The following PHACTR2 variants were observed in gnomAD, a reference collection of about 807,000 sequenced individuals.
The protein encoded by PHACTR2 is phosphatase and actin regulator 2.
In PHACTR2, 30 loss-of-function variants were observed where a neutral mutation model predicts 76.0. The observed-to-expected ratio is 0.39, with a 90% CI of 0.30 to 0.54. The LOEUF (loss-of-function observed/expected upper bound fraction) is 0.54, where lower values mean the gene tolerates loss of function less well. Among genes scored for constraint, PHACTR2 ranks in the 20% least tolerant of loss-of-function variants. PHACTR2 has a pLI of 0.61. For synonymous variants in PHACTR2, 292 were observed against 292.5 expected (o/e 1.00, Z 0.02); for missense variants, 696 against 781.1 (o/e 0.89, Z 1.30).
chr6:143,711,926 T>G, intron 1 of PHACTR2, 90 bp from the exon 2 acceptor site: 1 of 1,112,016 alleles, frequency 9.0e-7, no homozygotes, highest in Non-Finnish European at 1.4e-6. Context: ...TGGACGTGCT[T>G]ACCGTTAACA....
Position 143,583,440 on chromosome 6 carries a change from G to A in PHACTR2, c.217+46233G>A, listed in dbSNP as rs1775595934. 6.6e-6 allele frequency among the ~76,000 whole-genome samples: 1 copy of A among 152,232 alleles called. No individual in the cohort carries two copies. The highest frequency in any genetic ancestry group is 2.4e-5 in the African/African-American group (1 of 41,466). On this transcript the variant is annotated intron_variant, in intron 1 of 11. Transcript: ENST00000367584. The surrounding 1 kb of genome is among the most constrained non-coding windows in gnomAD (Gnocchi z 4.0). Reference sequence around the variant, plus strand: ...CTCTCTCAAAGTTTATCCTAAAGTTGCTGAGTGACACAATGATATTTTTGT... The same window carrying A: ...CTCTCTCAAAGTTTATCCTAAAGTTACTGAGTGACACAATGATATTTTTGT...
At chr6:143,693,367 A>G (rs1332364597) in intron 1 of PHACTR2, among the ~76,000 whole-genome samples, 1 of 152,006 alleles carries the variant, frequency 6.6e-6, no homozygotes, top group African/African-American at 2.4e-5. Flanking sequence ...CCTCCCAAGT[A>G]GCTGGGACTA....
At chr6:143,810,596 T>G (rs1429094446) in intron 12 of PHACTR2, 1 of 451,170 alleles carries the variant, frequency 2.2e-6, no homozygotes, top group Non-Finnish European at 4.5e-6. Flanking sequence ...TCTGACCAGC[T>G]GAGGCAGGAG....
chr6:143,569,300 A>T (rs182284282), intron 1 of PHACTR2, among the ~76,000 whole-genome samples: 85 of 152,226 alleles, frequency 5.6e-4, no homozygotes, highest in Non-Finnish European at 8.2e-4. Flanking sequence ...TTCAGGAATC[A>T]TAGCCACAGG....
rs550764388 is a variant in PHACTR2, at chr6:143,744,568, C to CAAAG, written c.215-4417_215-4416insAAAG. On this transcript the variant is annotated intron_variant, in intron 2 of 12. Coordinates refer to ENST00000440869, the MANE Select transcript of PHACTR2 (RefSeq NM_001100164.2). ...CACTAAGGTGACCTTTGAGCAGAGA[C>CAAAG]TTGTGGGACAGGATGGAGTGAGTCT... is the stretch of plus-strand genomic sequence containing the variant. Among the ~76,000 whole-genome samples the CAAAG allele has an allele frequency of 6.5e-3, 983 of 152,276 alleles. 10 individuals are homozygous for CAAAG. Among genetic ancestry groups the CAAAG allele is most frequent in the African/African-American group, 0.022 (916 of 41,556 alleles).
Position 143,777,979 on chromosome 6 carries a change from T to C in PHACTR2, c.1645+596T>C, listed in dbSNP as rs536101447. ...CTCTGTTCTCTTTGACTTTAGTTTT[T>C]ACTCATCCCTGCAGTAGTATTTATT... On this transcript the variant is annotated intron_variant, in intron 9 of 12. Coordinates refer to ENST00000440869, the MANE Select transcript of PHACTR2 (RefSeq NM_001100164.2). This position sits in a 1 kb window ranked among gnomAD's most constrained non-coding sequence, Gnocchi z 4.6. Among the ~76,000 whole-genome samples the C allele has an allele frequency of 3.3e-5, 5 of 152,364 alleles. No individual in the cohort carries two copies. Among genetic ancestry groups the C allele is most frequent in the South Asian group, 2.1e-4 (1 of 4,822 alleles).
intron 1 of PHACTR2, among the ~76,000 whole-genome samples, chr6:143,609,635 AGAGT>A (rs1775946583): frequency 6.6e-6 from 1 of 152,260 alleles, no homozygotes; most frequent in South Asian, 2.1e-4. Flanking sequence ...TTACAGTGGT[AGAGT>A]GAGTAAAAAT....
At position 143,648,627 on chromosome 6, in the gene PHACTR2, T is replaced by C. The variant is rs555843847; in HGVS notation, c.13+40305T>C. Reference sequence around the variant, plus strand: ...AGGAAGGAATGAAGAGCCCGGGAGGTTTAAAGTGCTCTGAAGCACTGATAC... The same window carrying C: ...AGGAAGGAATGAAGAGCCCGGGAGGCTTAAAGTGCTCTGAAGCACTGATAC... On this transcript the variant is annotated intron_variant, in intron 1 of 11. Transcript: ENST00000305766. The surrounding 1 kb of genome is among the most constrained non-coding windows in gnomAD (Gnocchi z 6.7). 6.6e-6 allele frequency among the ~76,000 whole-genome samples: 1 copy of C among 152,074 alleles called. No individual in the cohort carries two copies. The highest frequency in any genetic ancestry group is 2.4e-5 in the African/African-American group (1 of 41,474).
upstream of PHACTR2, among the ~76,000 whole-genome samples, chr6:143,676,839 G>T (rs1466697308): frequency 2.0e-5 from 3 of 152,074 alleles, no homozygotes; most frequent in Admixed American, 2.0e-4. This position sits in a 1 kb window ranked among gnomAD's most constrained non-coding sequence, Gnocchi z 4.8. Flanking sequence ...TCCTCACAGT[G>T]GTGGGTGGGC....
At chr6:143,778,154 A>G (rs77795637) in intron 9 of PHACTR2, among the ~76,000 whole-genome samples, 1,679 of 152,314 alleles carry the variant, frequency 0.011, 32 homozygotes, top group African/African-American at 0.037. Context: ...ACCCAGTTTC[A>G]AAAGATCTTT....
intron 1 of PHACTR2, among the ~76,000 whole-genome samples, chr6:143,665,095 A>C (rs1050580006): frequency 6.6e-6 from 1 of 152,098 alleles, no homozygotes; most frequent in South Asian, 2.1e-4. Flanking sequence ...CACCGCACCC[A>C]GCCTGGGTTC....
At chr6:143,685,242 A>G (rs1257924337) in intron 1 of PHACTR2, among the ~76,000 whole-genome samples, 3 of 152,088 alleles carry the variant, frequency 2.0e-5, no homozygotes, top group Non-Finnish European at 4.4e-5. Flanking sequence ...TAGATTTAAT[A>G]GTATAAAATT....
rs531748119 is a variant in PHACTR2, at chr6:143,811,901, G to A, written c.1922+4768G>A. ...CATAAAAAAGGTGGTGGTACTCTTA[G>A]TACCAGCCTCTCTTGGGGAAAATAA... On this transcript the variant is annotated intron_variant, in intron 12 of 12. Transcript: ENST00000440869. The surrounding 1 kb of genome is among the most constrained non-coding windows in gnomAD (Gnocchi z 4.1). Among the ~76,000 whole-genome samples, 3 of 152,278 alleles carry A rather than the reference G, an allele frequency of 2.0e-5. No individual in the cohort carries two copies. Among genetic ancestry groups the A allele is most frequent in the Non-Finnish European group, 4.4e-5 (3 of 68,018 alleles).
At chr6:143,727,534 C>A (rs11966017) in intron 2 of PHACTR2, among the ~76,000 whole-genome samples, 2,175 of 142,878 alleles carry the variant, frequency 0.015, 48 homozygotes, top group African/African-American at 0.058. Context: ...TGAGAAACCT[C>A]CATACTGTTT....
chr6:143,705,117 GC>G (rs1778018228), intron 1 of PHACTR2, among the ~76,000 whole-genome samples: 1 of 148,956 alleles, frequency 6.7e-6, no homozygotes, highest in Admixed American at 6.7e-5. Context: ...GAGCCACCGC[GC>G]CCGGCCTTGT....
rs1376125282 is a variant in PHACTR2, at chr6:143,536,983, G to A, written c.-8G>A. On this transcript the variant is annotated 5_prime_UTR_variant, in exon 1 of 12. Transcript: ENST00000367584. This position sits in a 1 kb window ranked among gnomAD's most constrained non-coding sequence, Gnocchi z 5.4. ...CACCCGGTGCTCCGGCCCCGCCGCC[G>A]GGAGCCGATGGCCGAGGCGGGCTGG... is the stretch of plus-strand genomic sequence containing the variant. 14 of 157,000 alleles carry A rather than the reference G, an allele frequency of 8.9e-5. 1 individual carries two copies. Among genetic ancestry groups the A allele is most frequent in the East Asian group, 3.7e-4 (2 of 5,400 alleles). The allele number at this position is 157,000 out of a possible 1,614,324, so 9.7% of individuals were successfully genotyped here. A position where few individuals can be genotyped will look rare whatever the true frequency, so the allele number is the denominator to read the frequency against.
Position 143,580,276 on chromosome 6 carries a change from G to A in PHACTR2, c.217+43069G>A, listed in dbSNP as rs1469630724. Among the ~76,000 whole-genome samples, 3 of 152,164 alleles carry A rather than the reference G, an allele frequency of 2.0e-5. No homozygotes were observed. Among genetic ancestry groups the A allele is most frequent in the Non-Finnish European group, 4.4e-5 (3 of 68,038 alleles). The stretch of plus-strand genomic sequence containing the variant: ...CAAGGCAGGCAGATCACGAGGTCAG[G>A]AAATCGAGACCATCTTGGCCAACAC... On this transcript the variant is annotated intron_variant, in intron 1 of 11. Coordinates refer to the PHACTR2 transcript ENST00000367584. The surrounding 1 kb of genome is among the most constrained non-coding windows in gnomAD (Gnocchi z 4.2).
At chr6:143,607,638 T>C (rs1322334543), upstream of PHACTR2, among the ~76,000 whole-genome samples, 2 of 152,238 alleles carry the variant, frequency 1.3e-5, no homozygotes, top group Non-Finnish European at 2.9e-5. Context: ...GAACTAGTCA[T>C]GATGAACATA....
At chr6:143,593,325 G>A (rs1165903578) in intron 1 of PHACTR2, among the ~76,000 whole-genome samples, 1 of 120,980 alleles carries the variant, frequency 8.3e-6, no homozygotes, top group Admixed American at 7.7e-5. Context: ...ATCTCAAGGA[G>A]GAAACACAGG....
Sources: allele counts gnomAD v4.1 joint callset (sites outside exome capture counted in the v4.1 genomes callset), GRCh38; gene constraint gnomAD v4.1.1; non-coding constraint Gnocchi (gnomAD v3.1); transcripts MANE v1.5; gene names NCBI Gene and HGNC (gene_info 2026-07-23, HGNC 2026-07-21).